The following XIRP2 variants were observed in gnomAD, a reference collection of about 807,000 sequenced individuals.
XIRP2 encodes the protein xin actin binding repeat containing 2, also known as xin actin-binding repeat-containing protein 2.
A neutral mutation model predicts 277.0 loss-of-function variants in XIRP2; 236 were observed. That is an observed-to-expected ratio of 0.85 (90% confidence interval 0.77 to 0.95). XIRP2 has a LOEUF of 0.95. Ranked by LOEUF, XIRP2 falls within the 40% of genes least tolerant of loss-of-function variation. The pLI, the probability that XIRP2 is intolerant of heterozygous loss-of-function variation, is 0.00. For synonymous variants in XIRP2, 1,490 were observed against 1,416.5 expected (o/e 1.05, Z -1.17); for missense variants, 4,640 against 4,157.5 (o/e 1.12, Z -3.19).
intron 3 of XIRP2, among the ~76,000 whole-genome samples, chr2:167,160,640 A>C (rs777413741): frequency 5.4e-4 from 82 of 152,144 alleles, no homozygotes; most frequent in Non-Finnish European, 9.3e-4. Context: ...CATTGGAAAG[A>C]CTTGCCCCCA....
At chr2:166,912,377 C>A (rs1334959756) in intron 2 of XIRP2, among the ~76,000 whole-genome samples, 2 of 152,182 alleles carry the variant, frequency 1.3e-5, no homozygotes, top group Non-Finnish European at 2.9e-5. Flanking sequence ...ATCACTGATA[C>A]CCTTTCTTCT....
At position 167,246,490 on chromosome 2, in the gene XIRP2, G is replaced by A. The variant is rs1344729505; in HGVS notation, c.5098G>A (p.Gly1700Ser). The A allele has an allele frequency of 6.2e-7, 1 of 1,613,620 alleles. No homozygotes were observed. Among genetic ancestry groups the A allele is most frequent in the South Asian group, 1.1e-5 (1 of 91,020 alleles). ...CTATTGTCTTCTTCATGAAAATGAT[G>A]GTGACACAATTGAGCGTGAAGAAGT... is the stretch of plus-strand genomic sequence containing the variant. ...TIYCLLHEND[G>S]DTIEREEVIG... The change falls in exon 9 of 11, where the codon GGT becomes AGT. Residue 1700 changes from glycine (G) to serine (S), a missense_variant. Coordinates refer to ENST00000409195, the MANE Select transcript of XIRP2 (RefSeq NM_152381.6).
rs183825343 is a variant in XIRP2 at position 167,040,838 on chromosome 2, C to T, written c.409-95071C>T. ...CAGGGTGGGCCCCCACCAGCACCTA[C>T]CTGCCCACAACCATTCTCCACTAAC... On this transcript the variant is annotated intron_variant, in intron 2 of 10. Transcript: ENST00000409195. 2.5e-3 allele frequency among the ~76,000 whole-genome samples: 379 copies of T among 152,344 alleles called. 1 individual carries two copies. Among genetic ancestry groups the T allele is most frequent in the Admixed American group, 5.9e-3 (90 of 15,302 alleles).
chr2:167,089,802 A>G (rs1690088475), intron 2 of XIRP2, among the ~76,000 whole-genome samples: 1 of 152,130 alleles, frequency 6.6e-6, no homozygotes, highest in African/African-American at 2.4e-5. Context: ...ATCGAAACGC[A>G]GCTATGCCCA....
At chr2:167,234,323 C>T (rs901289138) in intron 5 of XIRP2, among the ~76,000 whole-genome samples, 2 of 151,054 alleles carry the variant, frequency 1.3e-5, no homozygotes, top group Non-Finnish European at 3.0e-5. Flanking sequence ...ATAATTCATG[C>T]TTTGGTATAT....
chr2:166,903,396 G>C, intron 1 of XIRP2, 69 bp from the exon 2 acceptor site: 1 of 1,465,164 alleles, frequency 6.8e-7, no homozygotes, highest in Non-Finnish European at 9.2e-7. Flanking sequence ...TGCTCCTAGA[G>C]TATTTTGAGT....
intron 2 of XIRP2, among the ~76,000 whole-genome samples, chr2:166,979,679 ATTGTATTGACAGCTT>A (rs1251933750): frequency 1.3e-5 from 2 of 152,080 alleles, no homozygotes; most frequent in Admixed American, 1.3e-4. Flanking sequence ...AATCTGATGA[ATTGTATTGACAGCTT>A]TTTTAGTCTT....
At chr2:167,032,650 C>T (rs1420153098) in intron 2 of XIRP2, among the ~76,000 whole-genome samples, 1 of 152,106 alleles carries the variant, frequency 6.6e-6, no homozygotes, top group African/African-American at 2.4e-5. Context: ...TGAATAGACA[C>T]TTCTCAAATT....
At chr2:166,937,600 C>T (rs1685557054) in intron 2 of XIRP2, among the ~76,000 whole-genome samples, 1 of 152,112 alleles carries the variant, frequency 6.6e-6, no homozygotes, top group Non-Finnish European at 1.5e-5. Flanking sequence ...CAGGATGATG[C>T]TGGCCTCATA....
chr2:167,128,015 C>T (rs1347913410), intron 2 of XIRP2, among the ~76,000 whole-genome samples: 3 of 152,142 alleles, frequency 2.0e-5, no homozygotes, highest in Non-Finnish European at 1.5e-5. Flanking sequence ...AGGAAGCCCA[C>T]GATCAGTTTT....
At chr2:166,934,210 A>AC (rs201319829) in intron 2 of XIRP2, among the ~76,000 whole-genome samples, 2,082 of 150,890 alleles carry the variant, frequency 0.014, 48 homozygotes, top group African/African-American at 0.045. Context: ...AAAAAAAAAA[A>AC]AAAACAAAAC....
At chr2:167,092,441 C>T (rs912542808) in intron 2 of XIRP2, among the ~76,000 whole-genome samples, 2 of 152,106 alleles carry the variant, frequency 1.3e-5, no homozygotes, top group Non-Finnish European at 2.9e-5. Flanking sequence ...AATAGCAACA[C>T]TGCAAACAAA....
chr2:167,214,231 A>AGGAAGGAC (rs1694166094), intron 4 of XIRP2, among the ~76,000 whole-genome samples: 1 of 88,562 alleles, frequency 1.1e-5, no homozygotes, highest in Admixed American at 1.0e-4. Flanking sequence ...GGAGGGAGGA[A>AGGAAGGAC]GGAAGGAAGG....
In XIRP2 at chr2:167,242,930, T is replaced by A; in HGVS notation, c.1538T>A (p.Leu513Ter). 1.9e-6 allele frequency: 3 copies of A among 1,613,454 alleles called. No homozygotes were observed. The highest frequency in any genetic ancestry group is 2.5e-6 in the Non-Finnish European group (3 of 1,179,838). The change falls in exon 9 of 11, where the codon TTA (leucine) becomes TAA (stop). Residue 513 changes from leucine (L) to a stop codon, truncating the protein, a stop_gained. Coordinates refer to ENST00000409195, the MANE Select transcript of XIRP2 (RefSeq NM_152381.6). LOFTEE classifies it high-confidence loss of function. ...ATCCATCCTGAGTTAAGAAAAAACT[T>A]AGAAAAAGATTATATCAGTGAAGTT... ...KHIHPELRKN[L>*]EKDYISEVSE...
chr2:166,902,497 C>T (rs1684408838), intron 1 of XIRP2, among the ~76,000 whole-genome samples: 1 of 151,966 alleles, frequency 6.6e-6, no homozygotes, highest in Non-Finnish European at 1.5e-5. Flanking sequence ...AGGAAAATGC[C>T]TGATCCTTCA....
intron 2 of XIRP2, among the ~76,000 whole-genome samples, chr2:167,125,142 T>C (rs1395254482): frequency 6.6e-6 from 1 of 152,182 alleles, no homozygotes; most frequent in East Asian, 1.9e-4. Context: ...GTGACGATCA[T>C]TATAATTTCT....
chr2:167,091,180 C>T (rs1690137270), intron 2 of XIRP2, among the ~76,000 whole-genome samples: 1 of 152,080 alleles, frequency 6.6e-6, no homozygotes, highest in Non-Finnish European at 1.5e-5. Flanking sequence ...CAAGTGTCAT[C>T]TTCCTTATGT....
At chr2:166,980,290 T>G (rs1355852696) in intron 2 of XIRP2, among the ~76,000 whole-genome samples, 1 of 152,176 alleles carries the variant, frequency 6.6e-6, no homozygotes, top group Non-Finnish European at 1.5e-5. Flanking sequence ...TAAACCTTGT[T>G]TCTTATGGAC....
At chr2:167,160,469 C>T (rs1470967669) in intron 3 of XIRP2, among the ~76,000 whole-genome samples, 1 of 152,142 alleles carries the variant, frequency 6.6e-6, no homozygotes, top group Non-Finnish European at 1.5e-5. Flanking sequence ...CAGTGTAAAA[C>T]TTACAGTCCC....
Sources: allele counts gnomAD v4.1 joint callset (sites outside exome capture counted in the v4.1 genomes callset), GRCh38; gene constraint gnomAD v4.1.1; transcripts MANE v1.5; gene names NCBI Gene and HGNC (gene_info 2026-07-23, HGNC 2026-07-21).